The following SPATA31F1 variants were observed in gnomAD, a reference collection of about 807,000 sequenced individuals.
The protein encoded by SPATA31F1 is protein SPATA31F1.
chr9:34,725,854 C>G, the SPATA31F1 span: 244 of 1,551,724 alleles, frequency 1.6e-4, no homozygotes, highest in Non-Finnish European at 2.1e-4. Flanking sequence ...TCAAGGGGGG[C>G]TTGGGCACAT....
chr9:34,725,805 G>A, the SPATA31F1 span: 62 of 1,549,304 alleles, frequency 4.0e-5, no homozygotes, highest in Non-Finnish European at 4.3e-5. Context: ...TTAGGGAGCA[G>A]TTGGGGGAAG....
the SPATA31F1 span, chr9:34,724,351 T>C: frequency 5.8e-6 from 9 of 1,550,994 alleles, no homozygotes; most frequent in Non-Finnish European, 7.8e-6. Flanking sequence ...TGGCCAGCTG[T>C]TCTTTAAGGT....
At chr9:34,726,408 T>C in the SPATA31F1 span, 10 of 1,548,978 alleles carry the variant, frequency 6.5e-6, no homozygotes, top group South Asian at 2.4e-5. Context: ...GGGAGGACCA[T>C]ATGCAAGGCC....
the SPATA31F1 span, chr9:34,724,915 T>C: frequency 6.4e-7 from 1 of 1,550,818 alleles, no homozygotes; most frequent in African/African-American, 1.4e-5. Flanking sequence ...GCCGTAAAGT[T>C]GTCTCCAGTT....
the SPATA31F1 span, chr9:34,723,544 C>G: frequency 6.4e-7 from 1 of 1,551,794 alleles, no homozygotes; most frequent in Non-Finnish European, 8.7e-7. Flanking sequence ...ACATGGAGTC[C>G]TCATGCCCTT....
At chr9:34,725,847 A>C in the SPATA31F1 span, 2 of 1,551,552 alleles carry the variant, frequency 1.3e-6, no homozygotes, top group African/African-American at 2.7e-5. Context: ...GGATCCTTCA[A>C]GGGGGGCTTG....
chr9:34,726,728 G>T, the SPATA31F1 span: 1 of 1,551,760 alleles, frequency 6.4e-7, no homozygotes, highest in Non-Finnish European at 8.7e-7. Flanking sequence ...TTGTGACAGT[G>T]TTGGGGTTAC....
At chr9:34,728,649 G>A in the SPATA31F1 span, 1 of 1,551,416 alleles carries the variant, frequency 6.4e-7, no homozygotes, top group South Asian at 1.2e-5. Context: ...TGACTTTTTG[G>A]TGACACTTAG....
chr9:34,728,718 G>A, the SPATA31F1 span: 2 of 1,429,650 alleles, frequency 1.4e-6, no homozygotes, highest in Non-Finnish European at 1.9e-6. Context: ...TGTCCAAAAT[G>A]AGACAAAACT....
chr9:34,726,502 C>T, the SPATA31F1 span: 1 of 1,551,666 alleles, frequency 6.4e-7, no homozygotes, highest in Non-Finnish European at 8.7e-7. Flanking sequence ...CTTGGTTTCC[C>T]TGGACAAGGC....
chr9:34,724,755 C>T, the SPATA31F1 span: 6 of 1,551,680 alleles, frequency 3.9e-6, no homozygotes, highest in South Asian at 5.9e-5. Context: ...TCAAATGAAA[C>T]CATCTGAATC....
the SPATA31F1 span, chr9:34,728,123 T>A: frequency 4.6e-6 from 7 of 1,531,900 alleles, no homozygotes; most frequent in Non-Finnish European, 6.2e-6. Context: ...ATGGGATAAT[T>A]TCATAGGCAT....
chr9:34,723,762 T>A, the SPATA31F1 span: 1 of 1,551,676 alleles, frequency 6.4e-7, no homozygotes, highest in Non-Finnish European at 8.7e-7. Context: ...GGCAACACAG[T>A]CTGGGCATTC....
the SPATA31F1 span, chr9:34,723,410 G>C: frequency 1.3e-6 from 2 of 1,551,774 alleles, no homozygotes; most frequent in Non-Finnish European, 1.7e-6. Flanking sequence ...AGCAGGACGA[G>C]ATTGGGCCTT....
the SPATA31F1 span, chr9:34,729,265 G>T: frequency 3.2e-6 from 5 of 1,550,482 alleles, no homozygotes; most frequent in Non-Finnish European, 4.4e-6. Context: ...AATTAGTTCA[G>T]TTGGGATCAC....
At chr9:34,726,313 C>T in the SPATA31F1 span, 5 of 1,531,960 alleles carry the variant, frequency 3.3e-6, no homozygotes, top group East Asian at 2.5e-5. Flanking sequence ...GTCTTGGGAG[C>T]CCCCACCTCT....
the SPATA31F1 span, chr9:34,728,657 T>C: frequency 1.3e-6 from 2 of 1,551,510 alleles, no homozygotes; most frequent in South Asian, 2.4e-5. Context: ...TGGTGACACT[T>C]AGAAGACAAA....
chr9:34,728,873 C>T, the SPATA31F1 span, among the ~76,000 whole-genome samples: 1 of 152,028 alleles, frequency 6.6e-6, no homozygotes, highest in African/African-American at 2.4e-5. Context: ...AATTCTATAC[C>T]TCCCATCTGA....
At chr9:34,728,709 G>T in the SPATA31F1 span, 347 of 1,485,772 alleles carry the variant, frequency 2.3e-4, 4 homozygotes, top group South Asian at 4.1e-3. Flanking sequence ...TCTTTCTCAT[G>T]TCCAAAATGA....
Sources: allele counts gnomAD v4.1 joint callset (sites outside exome capture counted in the v4.1 genomes callset), GRCh38; gene constraint gnomAD v4.1.1; transcripts MANE v1.5; gene names NCBI Gene and HGNC (gene_info 2026-07-23, HGNC 2026-07-21).